Variants in COL23A1 observed in about 807,000 individuals in gnomAD.
COL23A1 encodes collagen alpha-1(XXIII) chain.
Under a neutral mutation model 99.3 loss-of-function variants are expected in COL23A1, and 97 were observed. That is an observed-to-expected ratio of 0.98 (90% confidence interval 0.83 to 1.16). COL23A1 has a LOEUF of 1.16. COL23A1 is among the 50% of genes most tolerant of loss of function. The probability of loss-of-function intolerance (pLI) is 0.00; values close to 1 mark genes in which losing one functional copy is unlikely to be tolerated. For missense variants in COL23A1, 762 were observed against 757.4 expected, an observed-to-expected ratio of 1.01 and a Z score of -0.07; for synonymous variants, 320 against 308.2, an observed-to-expected ratio of 1.04 and a Z score of -0.40.
intron 2 of COL23A1, among the ~76,000 whole-genome samples, chr5:178,420,023 ATT>A (rs1765518494): frequency 6.6e-6 from 1 of 152,136 alleles, no homozygotes; most frequent in South Asian, 2.1e-4. Context: ...TTCACAAATC[ATT>A]TCTTTTTCTC....
chr5:178,242,038 C>G lies in COL23A1; in HGVS notation c.1581+4G>C, dbSNP rs199943487. The G allele has an allele frequency of 1.9e-6, 3 of 1,553,100 alleles. No homozygotes were observed. The highest frequency in any genetic ancestry group is 2.6e-6 in the Non-Finnish European group (3 of 1,147,478). ...CTGGGGCAGGGCCCTCCTCCGACACCTACCACGGGACACGGCTGGTCCAGG... is the reference window on the plus strand; with the variant it reads ...CTGGGGCAGGGCCCTCCTCCGACACGTACCACGGGACACGGCTGGTCCAGG... On this transcript the variant is annotated splice_donor_region_variant and intron_variant, in intron 27 of 28. Coordinates refer to ENST00000390654, the MANE Select transcript of COL23A1 (RefSeq NM_173465.4).
Position 178,590,092 on chromosome 5 carries a change from C to T in COL23A1, c.106G>A (p.Val36Met). The T allele has an allele frequency of 7.8e-7, 1 of 1,282,996 alleles. No homozygotes were observed. The allele number at this position is 1,282,996 out of a possible 1,614,324, so 79.5% of individuals were successfully genotyped here. The change falls in exon 1 of 29, where the codon GTG becomes ATG. Residue 36 changes from valine to methionine, a missense_variant. Val to Met is a conservative substitution (Grantham distance 21). Transcript: ENST00000390654. This position sits in a 1 kb window ranked among gnomAD's most constrained non-coding sequence, Gnocchi z 5.7. ...RSATTAGSRA[V>M]SALCLLLSVG... The stretch of plus-strand genomic sequence containing the variant: ...GAGAGCAGCAGGCACAGCGCGCTCA[C>T]CGCCCGGGACCCGGCCGTCGTCGCC...
At chr5:178,335,704 G>A (rs1163218568) in intron 2 of COL23A1, among the ~76,000 whole-genome samples, 2 of 152,172 alleles carry the variant, frequency 1.3e-5, no homozygotes, top group Non-Finnish European at 2.9e-5. Context: ...AGCATAGATG[G>A]ACAATTCAAG....
chr5:178,502,860 A>C (rs889728362), intron 2 of COL23A1, among the ~76,000 whole-genome samples: 4 of 152,200 alleles, frequency 2.6e-5, no homozygotes, highest in Non-Finnish European at 5.9e-5. Flanking sequence ...CCCGAAGTCC[A>C]CCATCACGCC....
intron 2 of COL23A1, among the ~76,000 whole-genome samples, chr5:178,488,162 G>T (rs1647698513): frequency 6.6e-6 from 1 of 152,220 alleles, no homozygotes; most frequent in African/African-American, 2.4e-5. Context: ...AACCTGAGAT[G>T]AAGCTCTTAT....
chr5:178,421,415 T>A (rs1159323695), intron 2 of COL23A1, among the ~76,000 whole-genome samples: 2 of 152,164 alleles, frequency 1.3e-5, no homozygotes, highest in East Asian at 3.9e-4. Flanking sequence ...TAATTATATC[T>A]GTGTAGGGAA....
At chr5:178,488,788 G>A (rs1309271048) in intron 2 of COL23A1, among the ~76,000 whole-genome samples, 1 of 152,076 alleles carries the variant, frequency 6.6e-6, no homozygotes, top group South Asian at 2.1e-4. Flanking sequence ...CGAGAGTTCT[G>A]GAGCTCCGTG....
At chr5:178,262,043 GAGGGGC>G (rs1248817520) in intron 10 of COL23A1, among the ~76,000 whole-genome samples, 168 bp downstream of exon 10, 2 of 152,354 alleles carry the variant, frequency 1.3e-5, no homozygotes, top group Admixed American at 6.5e-5. Flanking sequence ...AGGGTGGCTG[GAGGGGC>G]AGGTGCACAG....
chr5:178,251,935 C>CA (rs1765059546), intron 17 of COL23A1, among the ~76,000 whole-genome samples: 1 of 125,184 alleles, frequency 8.0e-6, no homozygotes. Flanking sequence ...TATTTTGAGA[C>CA]AGAGTTTTGC....
intron 25 of COL23A1, among the ~76,000 whole-genome samples, chr5:178,243,348 C>T (rs1033964526): frequency 6.6e-6 from 1 of 150,394 alleles, no homozygotes; most frequent in South Asian, 2.1e-4. Context: ...ATTAGCCGTC[C>T]TAGCAGCGTG....
At chr5:178,314,226 C>G (rs1030482253) in intron 2 of COL23A1, among the ~76,000 whole-genome samples, 1 of 92,126 alleles carries the variant, frequency 1.1e-5, no homozygotes, top group Non-Finnish European at 2.8e-5. Context: ...AAGCTGCTTA[C>G]GTCCCCCCCA....
chr5:178,399,966 G>A (rs1255940097), intron 2 of COL23A1, among the ~76,000 whole-genome samples: 1 of 152,186 alleles, frequency 6.6e-6, no homozygotes, highest in Non-Finnish European at 1.5e-5. Context: ...GCACTGTGCT[G>A]GGGCACAGTG....
intron 2 of COL23A1, among the ~76,000 whole-genome samples, chr5:178,333,538 G>C (rs908265539): frequency 6.6e-6 from 1 of 152,168 alleles, no homozygotes; most frequent in African/African-American, 2.4e-5. Flanking sequence ...CAACATGCCT[G>C]TGCGGCCTGG....
At chr5:178,263,479 T>C (rs1216994032) in intron 8 of COL23A1, among the ~76,000 whole-genome samples, 155 bp from the exon 9 acceptor site, 2 of 152,198 alleles carry the variant, frequency 1.3e-5, no homozygotes, top group Non-Finnish European at 2.9e-5. Context: ...TTGCCACTTA[T>C]TGGGAGCTGC....
intron 11 of COL23A1, among the ~76,000 whole-genome samples, chr5:178,260,803 A>G (rs1036499543): frequency 6.6e-6 from 1 of 152,210 alleles, no homozygotes; most frequent in Non-Finnish European, 1.5e-5. Flanking sequence ...TCAAAAAAAA[A>G]GATAAAAGAT....
chr5:178,408,955 C>CAA (rs761044673), intron 2 of COL23A1, among the ~76,000 whole-genome samples: 38 of 71,642 alleles, frequency 5.3e-4, no homozygotes, highest in African/African-American at 1.9e-3. Flanking sequence ...AACTCTGTCT[C>CAA]AAAAAAAAAA....
At chr5:178,426,116 G>C (rs1207308561) in intron 2 of COL23A1, among the ~76,000 whole-genome samples, 1 of 152,218 alleles carries the variant, frequency 6.6e-6, no homozygotes, top group Admixed American at 6.5e-5. Context: ...AGGAAAGGCA[G>C]CAGAGATGTT....
At chr5:178,521,692 G>T (rs1470069285) in intron 2 of COL23A1, among the ~76,000 whole-genome samples, 2 of 152,204 alleles carry the variant, frequency 1.3e-5, no homozygotes, top group African/African-American at 4.8e-5. Flanking sequence ...ATGAAGCACT[G>T]ATGGATGCTA....
intron 2 of COL23A1, among the ~76,000 whole-genome samples, chr5:178,403,102 C>T (rs1764540582): frequency 1.2e-5 from 1 of 80,694 alleles, no homozygotes. Context: ...GAGAGAGACT[C>T]CATCTCAAAA....
Sources: allele counts gnomAD v4.1 joint callset (sites outside exome capture counted in the v4.1 genomes callset), GRCh38; gene constraint gnomAD v4.1.1; non-coding constraint Gnocchi (gnomAD v3.1); transcripts MANE v1.5; gene names NCBI Gene and HGNC (gene_info 2026-07-23, HGNC 2026-07-21).